Variants in FAT3 observed in about 807,000 individuals in gnomAD.
The protein encoded by FAT3 is protocadherin Fat 3.
A neutral mutation model predicts 310.2 loss-of-function variants in FAT3; 95 were observed. That is an observed-to-expected ratio of 0.31 (90% CI 0.26 to 0.36). FAT3 has a LOEUF of 0.36. Ranked by LOEUF, FAT3 falls within the 10% of genes least tolerant of loss-of-function variation. The probability of loss-of-function intolerance (pLI) is 1.00; values close to 1 mark genes in which losing one functional copy is unlikely to be tolerated. For missense variants in FAT3, 5,408 were observed against 5,715.6 expected, an observed-to-expected ratio of 0.95 and a Z score of 1.74; for synonymous variants, 2,314 against 2,192.9, an observed-to-expected ratio of 1.06 and a Z score of -1.54.
intron 1 of FAT3, among the ~76,000 whole-genome samples, chr11:92,338,493 C>T (rs531343172): frequency 1.3e-5 from 2 of 152,118 alleles, no homozygotes; most frequent in South Asian, 2.1e-4. Context: ...ATTTGACAGC[C>T]GCTGCCTCGT....
At chr11:92,370,905 C>G (rs974263908) in intron 2 of FAT3, among the ~76,000 whole-genome samples, 5 of 152,114 alleles carry the variant, frequency 3.3e-5, no homozygotes, top group African/African-American at 1.2e-4. Flanking sequence ...AAAATATGTT[C>G]AAGAACCAGG....
At chr11:92,542,922 C>A (rs1954497352) in intron 3 of FAT3, among the ~76,000 whole-genome samples, 1 of 152,076 alleles carries the variant, frequency 6.6e-6, no homozygotes, top group Admixed American at 6.6e-5. Flanking sequence ...ATGGAACCAA[C>A]CTAAGTGTCC....
chr11:92,686,722 A>T (rs1487475502), intron 3 of FAT3, among the ~76,000 whole-genome samples: 1 of 152,192 alleles, frequency 6.6e-6, no homozygotes, highest in African/African-American at 2.4e-5. Context: ...TCAAAACATC[A>T]CTCCTACCTA....
intron 2 of FAT3, among the ~76,000 whole-genome samples, chr11:92,441,004 G>A (rs1225522497): frequency 1.3e-5 from 2 of 152,182 alleles, no homozygotes; most frequent in Non-Finnish European, 2.9e-5. Flanking sequence ...TGAGTTCAAA[G>A]ATGTGACATG....
At chr11:92,475,072 T>C (rs1019535548) in intron 2 of FAT3, among the ~76,000 whole-genome samples, 3 of 152,200 alleles carry the variant, frequency 2.0e-5, no homozygotes, top group Non-Finnish European at 2.9e-5. Flanking sequence ...GGTTTTGGTC[T>C]TATCATCCTG....
At chr11:92,749,412 G>A (rs1028122820) in intron 4 of FAT3, among the ~76,000 whole-genome samples, 9 of 152,124 alleles carry the variant, frequency 5.9e-5, no homozygotes, top group Admixed American at 2.6e-4. Flanking sequence ...AAAGATTGAG[G>A]TTATTTCTAA....
At position 92,799,387 on chromosome 11, in the gene FAT3, A is replaced by T; in HGVS notation, c.6374A>T (p.Asp2125Val). 2.5e-6 allele frequency: 4 copies of T among 1,613,808 alleles called. No homozygotes were observed. The highest frequency in any genetic ancestry group is 3.4e-6 in the Non-Finnish European group (4 of 1,179,824). Residue 2125 changes from aspartate to valine, a missense_variant, in exon 10 of 28, where the codon GAT becomes GTT. Asp to Val is a radical substitution (Grantham distance 152). Around this residue, in one of 5 missense-constraint regions of FAT3, gnomAD observed 4,588 missense variants for 4,809.8 expected, o/e 0.95. Transcript: ENST00000525166. ...PNGEVTYVLQ[D>V]DYGHFEINPN... is the part of the protein sequence containing the mutation. ...GGAGAAGTGACCTATGTCCTGCAGG[A>T]TGACTATGGCCACTTTGAAATTAAC...
At chr11:92,744,941 CT>C (rs1945614479) in intron 4 of FAT3, among the ~76,000 whole-genome samples, 1 of 152,118 alleles carries the variant, frequency 6.6e-6, no homozygotes, top group Non-Finnish European at 1.5e-5. Context: ...CCAGAAATCC[CT>C]GTTGAATTGC....
chr11:92,878,650 A>C (rs1397769287), intron 22 of FAT3, among the ~76,000 whole-genome samples: 1 of 135,812 alleles, frequency 7.4e-6, no homozygotes, highest in African/African-American at 3.0e-5. Context: ...AAAAAAAAAA[A>C]AAAAAAAAAA....
chr11:92,801,268 A>G lies in FAT3; in HGVS notation c.8255A>G (p.Lys2752Arg), dbSNP rs370135870. 3.1e-6 allele frequency: 5 copies of G among 1,613,770 alleles called. No homozygotes were observed. In the African/African-American group the frequency reaches 6.7e-5, roughly 22 times the overall value. The change falls in exon 10 of 28, where the codon AAA (lysine) becomes AGA (arginine). Residue 2752 changes from lysine (K) to arginine (R), a missense_variant. By Grantham distance (26) the Lys-to-Arg change is conservative. Around this residue, in one of 5 missense-constraint regions of FAT3, gnomAD observed 4,588 missense variants for 4,809.8 expected, o/e 0.95. Transcript: ENST00000525166. ...TVNGERPENN[K>R]GGIFVIEQET... ...AATGGGGAACGGCCAGAAAATAACA[A>G]AGGGGGCATATTCGTCATAGAACAG...
intron 3 of FAT3, among the ~76,000 whole-genome samples, chr11:92,681,778 G>A (rs929645530): frequency 3.3e-5 from 5 of 152,104 alleles, no homozygotes; most frequent in African/African-American, 7.2e-5. Flanking sequence ...AGAGCTCAAC[G>A]GCTTAAGACA....
chr11:92,357,624 T>G (rs1948768008), intron 2 of FAT3, among the ~76,000 whole-genome samples: 1 of 152,130 alleles, frequency 6.6e-6, no homozygotes, highest in East Asian at 1.9e-4. Context: ...AGGAAAAGTA[T>G]GAGCTGAATC....
intron 3 of FAT3, among the ~76,000 whole-genome samples, chr11:92,623,565 C>G (rs501125): frequency 0.15 from 22,665 of 152,154 alleles, 1,842 homozygotes; most frequent in African/African-American, 0.19. Context: ...TTTTTATTTG[C>G]TGCCTTAGAA....
intron 3 of FAT3, among the ~76,000 whole-genome samples, chr11:92,610,365 A>G (rs1236303197): frequency 6.6e-6 from 1 of 152,182 alleles, no homozygotes; most frequent in Non-Finnish European, 1.5e-5. Flanking sequence ...ACAGGCCTTC[A>G]AACAGGTTTG....
intron 3 of FAT3, among the ~76,000 whole-genome samples, chr11:92,668,901 C>A (rs1175852680): frequency 6.6e-6 from 1 of 152,100 alleles, no homozygotes; most frequent in Non-Finnish European, 1.5e-5. Context: ...ATTTAAGTTC[C>A]CCAACAAGGG....
At chr11:92,572,568 G>T (rs896047185) in intron 3 of FAT3, among the ~76,000 whole-genome samples, 13 of 152,108 alleles carry the variant, frequency 8.5e-5, no homozygotes, top group African/African-American at 3.1e-4. Flanking sequence ...ATGGAAGATC[G>T]CATGTAGCAA....
intron 3 of FAT3, among the ~76,000 whole-genome samples, chr11:92,667,815 T>C (rs2135813968): frequency 6.6e-6 from 1 of 152,336 alleles, no homozygotes; most frequent in Non-Finnish European, 1.5e-5. Context: ...GCTTTTCCCA[T>C]AGAAATGTCA....
chr11:92,536,941 C>A (rs565257486), intron 3 of FAT3, among the ~76,000 whole-genome samples: 31 of 152,184 alleles, frequency 2.0e-4, no homozygotes, highest in African/African-American at 7.5e-4. Flanking sequence ...TAGTCCAGAC[C>A]CTATCACTAT....
intron 1 of FAT3, among the ~76,000 whole-genome samples, chr11:92,275,338 A>T (rs1946240716): frequency 1.3e-5 from 2 of 152,066 alleles, no homozygotes; most frequent in African/African-American, 2.4e-5. Flanking sequence ...CCTTTACCAT[A>T]TGAAATCCAA....
Sources: gnomAD v4.1 joint callset for allele counts (sites outside exome capture counted in the v4.1 genomes callset) on GRCh38, gnomAD v4.1.1 for gene constraint, gnomAD v4.1.1 regional missense constraint, MANE v1.5 for transcripts, NCBI Gene and HGNC (gene_info 2026-07-23, HGNC 2026-07-21) for gene names.